CEP290: variants seen among roughly 807,000 people sequenced by gnomAD.
The protein encoded by CEP290 is centrosomal protein 290.
Under a neutral mutation model 344.9 loss-of-function variants are expected in CEP290, and 317 were observed. That is an observed-to-expected ratio of 0.92 (90% CI 0.84 to 1.01). The LOEUF is 1.01. CEP290 is among the 50% of genes least tolerant of loss of function. The pLI is 0.00. For missense variants in CEP290, 2,754 were observed against 2,761.4 expected, an observed-to-expected ratio of 1.00 and a Z score of 0.06; for synonymous variants, 932 against 895.8, an observed-to-expected ratio of 1.04 and a Z score of -0.72.
intron 52 of CEP290, 91 bp downstream of exon 52, chr12:88,053,558 CAAT>C: frequency 1.6e-6 from 1 of 615,848 alleles, no homozygotes; most frequent in Non-Finnish European, 2.9e-6. Context: ...TACAGGGAGA[CAAT>C]GATCAGAAAT....
rs771657596 is a variant in CEP290 at position 88,077,803 on chromosome 12, T to G, written c.5480A>C (p.Gln1827Pro). The G allele has an allele frequency of 1.3e-6, 2 of 1,555,464 alleles. No homozygotes were observed. The highest frequency in any genetic ancestry group is 3.6e-5 in the Admixed American group (2 of 56,130). Residue 1827 changes from glutamine (Q) to proline (P), a missense_variant, in exon 40 of 54, where the codon CAA becomes CCA. Transcript: ENST00000552810. ...TTTATTATAGGCTTTTTGTTTCTTT[T>G]GCAGTTCATTATTTAAGTCATTCAA... ...DNLNDLNNELQKKQKAYNKIL... is the reference protein window; with the variant it reads ...DNLNDLNNELPKKQKAYNKIL...
rs2040372439 is a variant in CEP290, at chr12:88,136,722, T to C, written c.362A>G (p.Glu121Gly). ...TCTATCTTTTTGTTCTAATTGTTTTTCAAGTTGGCAAATTTCATTACGTAA... is the reference window on the plus strand; with the variant it reads ...TCTATCTTTTTGTTCTAATTGTTTTCCAAGTTGGCAAATTTCATTACGTAA... ...RFLRNEICQL[E>G]KQLEQKDREL... Residue 121 changes from glutamate to glycine, a missense_variant, in exon 6 of 54, where the codon GAA becomes GGA. Glu to Gly is a moderately conservative substitution (Grantham distance 98). Coordinates refer to ENST00000552810, the MANE Select transcript of CEP290 (RefSeq NM_025114.4). The C allele has an allele frequency of 6.2e-7, 1 of 1,613,782 alleles. No homozygotes were observed. The highest frequency in any genetic ancestry group is 8.5e-7 in the Non-Finnish European group (1 of 1,179,768).
chr12:88,091,893 C>T (rs753211903), intron 29 of CEP290, among the ~76,000 whole-genome samples: 5 of 151,970 alleles, frequency 3.3e-5, no homozygotes, highest in Non-Finnish European at 7.4e-5. Flanking sequence ...AGCTGGCACA[C>T]GGTTTTTTTG....
Position 88,092,768 on chromosome 12 carries a change from C to T in CEP290, c.3374G>A (p.Ser1125Asn). ...EQMLRDELAD[S>N]VSKAVSDADR... Reference sequence around the variant, plus strand: ...AGCATCACTTACTGCCTTGCTCACACTATCAGCTAATTCATCTCTTAACAT... The same window carrying T: ...AGCATCACTTACTGCCTTGCTCACATTATCAGCTAATTCATCTCTTAACAT... The change falls in exon 29 of 54, where the codon AGT becomes AAT. Residue 1125 changes from serine to asparagine, a missense_variant. Transcript: ENST00000552810. 1 of 1,611,262 alleles carries T rather than the reference C, an allele frequency of 6.2e-7. No individual in the cohort carries two copies. Among genetic ancestry groups the T allele is most frequent in the Non-Finnish European group, 8.5e-7 (1 of 1,178,780 alleles).
chr12:88,086,020 T>C lies in CEP290; in HGVS notation c.4437+19A>G. ...ATACCAAATAATACACTAATCAAAA[T>C]GCAAATTCTTCTAATTACCTCTTCT... On this transcript the variant is annotated intron_variant, in intron 34 of 53. Coordinates refer to ENST00000552810, the MANE Select transcript of CEP290 (RefSeq NM_025114.4). The C allele has an allele frequency of 1.3e-6, 2 of 1,595,300 alleles. No homozygotes were observed.
rs764309755 is a variant in CEP290 at position 88,083,079 on chromosome 12, CTT to C, written c.4962_4963del (p.Glu1656AsnfsTer3). ...TTTTACTTTTAATTCAGTGATTTCT[CTT>C]TGTCTCTCCAAATCTTGTGATACTT... On this transcript the variant is annotated frameshift_variant, in exon 37 of 54. Coordinates refer to ENST00000552810, the MANE Select transcript of CEP290 (RefSeq NM_025114.4). LOFTEE classifies it high-confidence loss of function. 85 of 1,526,302 alleles carry C rather than the reference CTT, an allele frequency of 5.6e-5. No individual in the cohort carries two copies. Among genetic ancestry groups the C allele is most frequent in the Non-Finnish European group, 7.2e-5 (82 of 1,136,934 alleles). The allele number at this position is 1,526,302 out of a possible 1,614,324, so 94.5% of individuals were successfully genotyped here. A position where few individuals can be genotyped will look rare whatever the true frequency, so the allele number is the denominator to read the frequency against.
chr12:88,076,997 A>C (rs1450835198), intron 41 of CEP290, among the ~76,000 whole-genome samples: 2 of 152,058 alleles, frequency 1.3e-5, no homozygotes, highest in Non-Finnish European at 2.9e-5. Flanking sequence ...TTTCCAAATA[A>C]GAGTTACATT....
intron 3 of CEP290, among the ~76,000 whole-genome samples, chr12:88,140,256 G>GTCTACAAAGCTCCAA (rs2040571426): frequency 1.3e-5 from 2 of 152,032 alleles, no homozygotes; most frequent in Admixed American, 1.3e-4. Flanking sequence ...ATAATGTGAT[G>GTCTACAAAGCTCCAA]TCTACAAAGC....
At chr12:88,066,607 G>A (rs1486898504) in intron 44 of CEP290, among the ~76,000 whole-genome samples, 1 of 151,046 alleles carries the variant, frequency 6.6e-6, no homozygotes, top group Non-Finnish European at 1.5e-5. Context: ...CAGCCTATGT[G>A]AAAAATATAC....
At chr12:88,137,315 A>G (rs1481352229) in intron 5 of CEP290, among the ~76,000 whole-genome samples, 2 of 152,160 alleles carry the variant, frequency 1.3e-5, no homozygotes, top group Non-Finnish European at 2.9e-5. Flanking sequence ...GCAACTGAAG[A>G]ACTAAATTTT....
intron 33 of CEP290, 108 bp downstream of exon 33, chr12:88,086,283 A>G: frequency 1.4e-6 from 2 of 1,433,468 alleles, no homozygotes; most frequent in East Asian, 5.0e-5. Flanking sequence ...TATATTTTAA[A>G]TATACAATAT....
rs1032285434 is a variant in CEP290 at position 88,118,625 on chromosome 12, A to G, written c.1623+18T>C. On this transcript the variant is annotated intron_variant, in intron 16 of 53. Coordinates refer to ENST00000552810, the MANE Select transcript of CEP290 (RefSeq NM_025114.4). ...TATAGTTCAGCCAAGAAAATAATCA[A>G]CTGACTACCACACTTGCCTCTTTCA... 3.7e-6 allele frequency: 6 copies of G among 1,611,206 alleles called. No homozygotes were observed. Among genetic ancestry groups the G allele is most frequent in the Non-Finnish European group, 5.1e-6 (6 of 1,177,812 alleles).
chr12:88,129,590 G>A, intron 10 of CEP290, 104 bp downstream of exon 10: 1 of 661,938 alleles, frequency 1.5e-6, no homozygotes, highest in African/African-American at 1.9e-5. Flanking sequence ...TAAAAAGACA[G>A]ACAAAAATTC....
intron 12 of CEP290, 31 bp from the exon 13 acceptor site, chr12:88,125,400 C>T: frequency 8.9e-7 from 1 of 1,119,090 alleles, no homozygotes; most frequent in Non-Finnish European, 1.2e-6. Flanking sequence ...ATATATATCC[C>T]TTCATGAATA....
chr12:88,050,481 A>AT (rs1361095947), intron 52 of CEP290, 48 bp from the exon 53 acceptor site: 1 of 873,982 alleles, frequency 1.1e-6, no homozygotes, highest in East Asian at 2.5e-5. Context: ...CCCACTACGA[A>AT]TGAGTTCAAG....
chr12:88,120,343 A>T (rs970683848), intron 14 of CEP290, 67 bp from the exon 15 acceptor site: 12 of 779,208 alleles, frequency 1.5e-5, no homozygotes, highest in Admixed American at 4.2e-5. Context: ...CAAGTTCATG[A>T]TTTTTTTTTT....
chr12:88,121,613 C>CA (rs34457278), intron 13 of CEP290, among the ~76,000 whole-genome samples: 8,027 of 136,918 alleles, frequency 0.059, 235 homozygotes, highest in Non-Finnish European at 0.082. Context: ...ATGTGAATTT[C>CA]AAAAAAAAAA....
chr12:88,088,653 T>C (rs1473675669), intron 31 of CEP290, among the ~76,000 whole-genome samples: 3 of 152,184 alleles, frequency 2.0e-5, no homozygotes, highest in Admixed American at 6.5e-5. Flanking sequence ...GCATTTTTCA[T>C]ATAGGCATAT....
At position 88,096,961 on chromosome 12, in the gene CEP290, T is replaced by G. The variant is rs1280566129; in HGVS notation, c.3030A>C (p.Ile1010=). 4.4e-6 allele frequency: 7 copies of G among 1,574,934 alleles called. No individual in the cohort carries two copies. Among genetic ancestry groups the G allele is most frequent in the Non-Finnish European group, 5.2e-6 (6 of 1,157,828 alleles). Residue 1010 remains isoleucine, a synonymous_variant, in exon 27 of 54, where the codon ATA becomes ATC. Transcript: ENST00000552810. ...CCTTGGTAATCTCCAGTTCTTTATT[T>G]ATAGACTCCACTTGTTCTTTTAAGG... is the stretch of plus-strand genomic sequence containing the variant. The part of the protein sequence containing the change: ...NISLKEQVES[I]NKELEITKEK...
Sources: allele counts gnomAD v4.1 joint callset (sites outside exome capture counted in the v4.1 genomes callset), GRCh38; gene constraint gnomAD v4.1.1; transcripts MANE v1.5; gene names NCBI Gene and HGNC (gene_info 2026-07-23, HGNC 2026-07-21).